The following PLPPR1 variants were observed in gnomAD, a reference collection of about 807,000 sequenced individuals.
The protein encoded by PLPPR1 is phospholipid phosphatase related 1, also known as phospholipid phosphatase-related protein type 1.
Under a neutral mutation model 33.1 loss-of-function variants are expected in PLPPR1, and 10 were observed. The ratio of observed to expected loss-of-function variants is 0.30; its 90% CI spans 0.19 to 0.51. The LOEUF (loss-of-function observed/expected upper bound fraction) is 0.51, where lower values mean the gene tolerates loss of function less well. Ranked by LOEUF, PLPPR1 falls within the 20% of genes least tolerant of loss-of-function variation. The probability of loss-of-function intolerance (pLI) is 0.97; values close to 1 mark genes in which losing one functional copy is unlikely to be tolerated. For synonymous variants in PLPPR1, 151 were observed against 151.0 expected (o/e 1.00, Z 0.00); for missense variants, 304 against 408.1 (o/e 0.74, Z 2.20).
chr9:101,059,259 A>G (rs900565041), intron 1 of PLPPR1, among the ~76,000 whole-genome samples: 4 of 152,122 alleles, frequency 2.6e-5, no homozygotes, highest in Non-Finnish European at 5.9e-5. Flanking sequence ...CACACTCAAG[A>G]AGGAGCACTC....
At chr9:101,145,887 G>A (rs73495998) in intron 1 of PLPPR1, among the ~76,000 whole-genome samples, 2,361 of 150,538 alleles carry the variant, frequency 0.016, 69 homozygotes, top group African/African-American at 0.055. Context: ...ATGCTGGCAA[G>A]TGCCTGTGGT....
chr9:101,246,071 T>TTC (rs1827596083), intron 2 of PLPPR1, among the ~76,000 whole-genome samples: 2 of 80,926 alleles, frequency 2.5e-5, no homozygotes, highest in Non-Finnish European at 6.3e-5. Context: ...TATATATATA[T>TTC]ATATATATAT....
chr9:101,274,986 G>A (rs1332212180), intron 3 of PLPPR1, among the ~76,000 whole-genome samples: 1 of 152,168 alleles, frequency 6.6e-6, no homozygotes, highest in South Asian at 2.1e-4. Context: ...GCTAACATTT[G>A]GAGGCTTCCA....
chr9:101,083,434 G>A (rs1053985997), intron 1 of PLPPR1, among the ~76,000 whole-genome samples: 1 of 150,678 alleles, frequency 6.6e-6, no homozygotes. Flanking sequence ...GGAAAGAATA[G>A]CATGTAGTAA....
chr9:101,192,264 C>A (rs1448061322), intron 2 of PLPPR1, among the ~76,000 whole-genome samples: 1 of 152,176 alleles, frequency 6.6e-6, no homozygotes. Context: ...GCAACTCTTA[C>A]ATTTTTACAT....
chr9:101,118,888 G>GTTTTT (rs71356334), intron 1 of PLPPR1, among the ~76,000 whole-genome samples: 2 of 150,202 alleles, frequency 1.3e-5, no homozygotes, highest in African/African-American at 2.4e-5. Flanking sequence ...TTGATGCCAT[G>GTTTTT]TTTTTTTTTG....
chr9:101,101,866 T>C (rs374340936), intron 1 of PLPPR1, among the ~76,000 whole-genome samples: 2 of 152,202 alleles, frequency 1.3e-5, no homozygotes, highest in East Asian at 3.9e-4. Context: ...GCAGATGAGC[T>C]CCTCTGTTTA....
chr9:101,133,129 C>T (rs1831333849), intron 1 of PLPPR1, among the ~76,000 whole-genome samples: 1 of 151,938 alleles, frequency 6.6e-6, no homozygotes, highest in South Asian at 2.1e-4. Context: ...TTTCTTTTTC[C>T]ATATATAGAA....
intron 3 of PLPPR1, among the ~76,000 whole-genome samples, chr9:101,272,712 G>GA (rs1476966650): frequency 3.9e-5 from 6 of 152,104 alleles, no homozygotes; most frequent in African/African-American, 1.4e-4. Context: ...ACTAACCAAA[G>GA]AAAAATCATT....
rs114621459 is a variant in PLPPR1, at chr9:101,208,792, C to T, written c.63+23235C>T. On this transcript the variant is annotated intron_variant, in intron 2 of 7. Coordinates refer to ENST00000374874, the MANE Select transcript of PLPPR1 (RefSeq NM_207299.2). Reference sequence around the variant, plus strand: ...AATTCTAATTCATTGTAATTTGGTACCTTTCACATTTACAGAGACAGATCA... The same window carrying T: ...AATTCTAATTCATTGTAATTTGGTATCTTTCACATTTACAGAGACAGATCA... Among the ~76,000 whole-genome samples, 278 of 152,220 alleles carry T rather than the reference C, an allele frequency of 1.8e-3. 1 individual carries two copies. Among genetic ancestry groups the T allele is most frequent in the African/African-American group, 6.3e-3 (261 of 41,540 alleles).
intron 1 of PLPPR1, among the ~76,000 whole-genome samples, chr9:101,175,607 T>C (rs1353535809): frequency 6.6e-6 from 1 of 152,172 alleles, no homozygotes; most frequent in Non-Finnish European, 1.5e-5. Flanking sequence ...TTGATATCTG[T>C]TAGCCCATAG....
intron 1 of PLPPR1, among the ~76,000 whole-genome samples, chr9:101,042,529 T>A (rs1830088712): frequency 6.6e-6 from 1 of 152,162 alleles, no homozygotes; most frequent in Non-Finnish European, 1.5e-5. Context: ...ATCCTGATAA[T>A]AATGATGGGT....
At chr9:101,268,970 T>C (rs2118892964) in intron 2 of PLPPR1, among the ~76,000 whole-genome samples, 1 of 152,358 alleles carries the variant, frequency 6.6e-6, no homozygotes, top group South Asian at 2.1e-4. Context: ...GGAAGAACTC[T>C]AAGATATCCC....
chr9:101,256,804 G>T (rs563833608), intron 2 of PLPPR1, among the ~76,000 whole-genome samples: 3 of 152,078 alleles, frequency 2.0e-5, no homozygotes, highest in South Asian at 4.2e-4. Context: ...GAGGTCAATG[G>T]TTCAATGATC....
chr9:101,259,538 C>G (rs1827859384), intron 2 of PLPPR1, among the ~76,000 whole-genome samples: 1 of 152,178 alleles, frequency 6.6e-6, no homozygotes, highest in African/African-American at 2.4e-5. Context: ...AGTGAGGGCC[C>G]TCTTGCTGGT....
At chr9:101,280,065 G>A (rs770933780) in intron 3 of PLPPR1, among the ~76,000 whole-genome samples, 2 of 152,072 alleles carry the variant, frequency 1.3e-5, no homozygotes, top group East Asian at 3.8e-4. Context: ...AAGACGAAAA[G>A]AGATGACTCA....
At chr9:101,295,008 A>AT (rs1467681314) in intron 4 of PLPPR1, among the ~76,000 whole-genome samples, 2 of 152,196 alleles carry the variant, frequency 1.3e-5, no homozygotes, top group African/African-American at 4.8e-5. Flanking sequence ...AGGAAGTCAA[A>AT]TTGTCCCTGT....
intron 4 of PLPPR1, among the ~76,000 whole-genome samples, chr9:101,296,220 A>G (rs1828634913): frequency 6.6e-6 from 1 of 151,298 alleles, no homozygotes; most frequent in African/African-American, 2.4e-5. Flanking sequence ...ACTGGCCATC[A>G]GAGAAATGCA....
chr9:101,078,942 T>G (rs1230955407), intron 1 of PLPPR1, among the ~76,000 whole-genome samples: 1 of 152,222 alleles, frequency 6.6e-6, no homozygotes. Context: ...CTAAACAATG[T>G]GCTAGATTGT....
Sources: gnomAD v4.1 joint callset for allele counts (sites outside exome capture counted in the v4.1 genomes callset) on GRCh38, gnomAD v4.1.1 for gene constraint, MANE v1.5 for transcripts, NCBI Gene and HGNC (gene_info 2026-07-23, HGNC 2026-07-21) for gene names.